DPYD: variants seen among roughly 807,000 people sequenced by gnomAD.
DPYD encodes dihydropyrimidine dehydrogenase.
Under a neutral mutation model 116.2 loss-of-function variants are expected in DPYD, and 109 were observed. That is an observed-to-expected ratio of 0.94 (90% CI 0.80 to 1.10). The LOEUF is 1.10. DPYD is among the 50% of genes least tolerant of loss of function. The pLI, the probability that DPYD is intolerant of heterozygous loss-of-function variation, is 0.00. For synonymous variants in DPYD, 440 were observed against 432.0 expected (o/e 1.02, Z -0.23); for missense variants, 1,302 against 1,254.5 (o/e 1.04, Z -0.57).
chr1:97,546,734 C>T, intron 12 of DPYD: 3 of 1,613,080 alleles, frequency 1.9e-6, no homozygotes, highest in Admixed American at 1.7e-5. Flanking sequence ...AAGTTTCCTG[C>T]ACCAGGCAAG....
rs577656297 is a variant in DPYD at position 97,385,450 on chromosome 1, T to A, written c.1906-2989A>T. Reference sequence around the variant, plus strand: ...ATACAGACTGAAGAAGAAGAAAAAATTAGCTATTAGATACTAGTTACCCTG... The same window carrying A: ...ATACAGACTGAAGAAGAAGAAAAAAATAGCTATTAGATACTAGTTACCCTG... On this transcript the variant is annotated intron_variant, in intron 14 of 22. Transcript: ENST00000370192. Among the ~76,000 whole-genome samples the A allele has an allele frequency of 1.3e-4, 20 of 149,518 alleles. No homozygotes were observed. In the South Asian group the frequency reaches 2.3e-3, roughly 17 times the overall value.
chr1:97,670,175 T>C (rs1442031363), intron 8 of DPYD, among the ~76,000 whole-genome samples: 1 of 152,172 alleles, frequency 6.6e-6, no homozygotes, highest in East Asian at 1.9e-4. Flanking sequence ...CTTCTAATTT[T>C]GTTAAGTATC....
intron 18 of DPYD, among the ~76,000 whole-genome samples, chr1:97,239,235 C>G (rs948434921): frequency 3.3e-5 from 5 of 151,932 alleles, no homozygotes; most frequent in African/African-American, 1.2e-4. Context: ...TTTTAGTAAG[C>G]CAGAGATTTT....
intron 6 of DPYD, among the ~76,000 whole-genome samples, chr1:97,695,449 A>T (rs1460736749): frequency 6.7e-6 from 1 of 149,938 alleles, no homozygotes; most frequent in Non-Finnish European, 1.5e-5. Flanking sequence ...CTCACTTAAC[A>T]TATTCTATAT....
At chr1:97,699,635 T>C in intron 5 of DPYD, 88 bp from the exon 6 acceptor site, 2 of 1,310,116 alleles carry the variant, frequency 1.5e-6, no homozygotes, top group Non-Finnish European at 2.2e-6. Context: ...GAATTCTTGT[T>C]TTAAATAGCA....
chr1:97,562,845 G>A lies in DPYD; in HGVS notation c.1339+10915C>T, dbSNP rs561772452. The stretch of plus-strand genomic sequence containing the variant: ...GTGATTCTCCTGCCTCAGCCCCCCC[G>A]AGTAGCTGGGATTACAGGTGTGCGC... On this transcript the variant is annotated intron_variant, in intron 11 of 22. Coordinates refer to ENST00000370192, the MANE Select transcript of DPYD (RefSeq NM_000110.4). Among the ~76,000 whole-genome samples the A allele has an allele frequency of 1.4e-4, 21 of 151,890 alleles. No homozygotes were observed. In the South Asian group the frequency reaches 4.0e-3, roughly 29 times the overall value.
At chr1:97,293,246 G>A (rs895572734) in intron 18 of DPYD, among the ~76,000 whole-genome samples, 1 of 152,106 alleles carries the variant, frequency 6.6e-6, no homozygotes, top group Non-Finnish European at 1.5e-5. Flanking sequence ...AAGTACAAAA[G>A]TGACTATATA....
intron 8 of DPYD, among the ~76,000 whole-genome samples, chr1:97,659,145 T>C (rs1308390453): frequency 1.3e-5 from 2 of 152,184 alleles, no homozygotes; most frequent in Admixed American, 1.3e-4. Flanking sequence ...TCACTACTTA[T>C]GTTATTACCA....
At chr1:97,707,741 C>CAT (rs1344598409) in intron 5 of DPYD, among the ~76,000 whole-genome samples, 1 of 151,856 alleles carries the variant, frequency 6.6e-6, no homozygotes, top group Non-Finnish European at 1.5e-5. Context: ...TTTCATGTTG[C>CAT]ATTTCCCTGA....
intron 10 of DPYD, among the ~76,000 whole-genome samples, chr1:97,577,040 A>G (rs997129715): frequency 2.0e-5 from 3 of 152,226 alleles, no homozygotes; most frequent in Non-Finnish European, 4.4e-5. Flanking sequence ...GAGTGAGATC[A>G]TGTTAAGATT....
At chr1:97,755,187 G>C (rs2101111017) in intron 3 of DPYD, among the ~76,000 whole-genome samples, 1 of 152,222 alleles carries the variant, frequency 6.6e-6, no homozygotes, top group South Asian at 2.1e-4. Flanking sequence ...GAGCTAAGAA[G>C]GGACAAGGTA....
At chr1:97,546,058 A>C in intron 12 of DPYD, 1 of 1,399,936 alleles carries the variant, frequency 7.1e-7, no homozygotes. Flanking sequence ...GAAGACAGCA[A>C]CAACATCACA....
chr1:97,443,257 GA>G (rs1179181648), intron 14 of DPYD, among the ~76,000 whole-genome samples: 1 of 151,970 alleles, frequency 6.6e-6, no homozygotes. Context: ...TAAATTAGAA[GA>G]ATATTTTTAA....
chr1:97,558,442 T>TAGAG (rs141952753), intron 11 of DPYD, among the ~76,000 whole-genome samples: 5,977 of 152,230 alleles, frequency 0.039, 194 homozygotes, highest in African/African-American at 0.09. Flanking sequence ...TTTTCACAAT[T>TAGAG]AGTCAGTTCA....
intron 20 of DPYD, 130 bp downstream of exon 20, chr1:97,192,939 C>A: frequency 1.0e-6 from 1 of 996,494 alleles, no homozygotes; most frequent in Non-Finnish European, 1.6e-6. Context: ...CAGAAAGAGT[C>A]CACTGAAGAA....
chr1:97,909,628 C>T (rs1673824701), intron 1 of DPYD, among the ~76,000 whole-genome samples: 1 of 152,012 alleles, frequency 6.6e-6, no homozygotes, highest in South Asian at 2.1e-4. Context: ...AACTACCCTC[C>T]CAACAGCAGA....
chr1:97,397,893 G>C (rs530497557), intron 14 of DPYD, among the ~76,000 whole-genome samples: 1 of 151,862 alleles, frequency 6.6e-6, no homozygotes, highest in African/African-American at 2.4e-5. Context: ...TAGAGTTGTT[G>C]GATCCTATGG....
chr1:97,871,528 T>A (rs913270922), intron 2 of DPYD, among the ~76,000 whole-genome samples: 6 of 147,124 alleles, frequency 4.1e-5, no homozygotes, highest in African/African-American at 1.0e-4. Flanking sequence ...TATCCTATGA[T>A]AAAAATTCTC....
At chr1:97,079,975 A>T (rs377046344) in intron 22 of DPYD, among the ~76,000 whole-genome samples, 103 of 151,992 alleles carry the variant, frequency 6.8e-4, no homozygotes, top group African/African-American at 2.1e-3. Context: ...AGTTTTTTTT[A>T]AAAAAAGATA....
Sources: gnomAD v4.1 joint callset for allele counts (sites outside exome capture counted in the v4.1 genomes callset) on GRCh38, gnomAD v4.1.1 for gene constraint, MANE v1.5 for transcripts, NCBI Gene and HGNC (gene_info 2026-07-23, HGNC 2026-07-21) for gene names.